SEC31A: variants seen among roughly 807,000 people sequenced by gnomAD.
SEC31A encodes SEC31 homolog A, COPII component.
In SEC31A, 70 loss-of-function variants were observed where a neutral mutation model predicts 151.0. That is an observed-to-expected ratio of 0.46 (90% confidence interval 0.38 to 0.57). The LOEUF is 0.57. SEC31A is among the 20% of genes least tolerant of loss of function. SEC31A has a pLI of 0.00. For missense variants in SEC31A, 1,330 were observed against 1,471.2 expected (o/e 0.90, Z 1.57); for synonymous variants, 475 against 505.9 (o/e 0.94, Z 0.82).
upstream of SEC31A, chr4:82,895,329 G>A (rs1720019955): frequency 6.6e-6 from 1 of 152,204 alleles, no homozygotes; most frequent in African/African-American, 2.4e-5. Context: ...AATTAGCTGG[G>A]TGTGGTGGCA....
At chr4:82,830,454 C>T (rs913701900) in intron 22 of SEC31A, among the ~76,000 whole-genome samples, 5 of 151,698 alleles carry the variant, frequency 3.3e-5, no homozygotes, top group Admixed American at 2.0e-4. Context: ...AACGAGACTC[C>T]GTCTCAAAAA....
Position 82,844,450 on chromosome 4 carries a change from A to G in SEC31A, c.2562T>C (p.Ala854=). The G allele has an allele frequency of 6.2e-7, 1 of 1,613,960 alleles. No homozygotes were observed. Among genetic ancestry groups the G allele is most frequent in the African/African-American group, 1.3e-5 (1 of 75,070 alleles). ...GACCTGGAGATGTGGGAAGCTGACC[A>G]GCAGCATTTGGATTAACATTTCCAT... ...IMHGNVNPNA[A]GQLPTSPGHM... is the part of the protein sequence containing the mutation. Residue 854 remains alanine (A), a synonymous_variant, in exon 21 of 27, where the codon GCT becomes GCC. Coordinates refer to ENST00000395310, the MANE Select transcript of SEC31A (RefSeq NM_001077207.4).
chr4:82,869,654 T>C (rs759188191), intron 8 of SEC31A, among the ~76,000 whole-genome samples: 3 of 152,118 alleles, frequency 2.0e-5, no homozygotes, highest in African/African-American at 7.2e-5. Flanking sequence ...GTAAAATTTA[T>C]TAATTTTTTT....
At chr4:82,881,996 G>A in intron 1 of SEC31A, 56 bp from the exon 2 acceptor site, 2 of 1,283,356 alleles carry the variant, frequency 1.6e-6, no homozygotes, top group East Asian at 4.6e-5. Flanking sequence ...GTCTAACACA[G>A]AACACAGATA....
At chr4:82,838,583 C>G (rs1395714032) in intron 22 of SEC31A, among the ~76,000 whole-genome samples, 1 of 152,200 alleles carries the variant, frequency 6.6e-6, no homozygotes, top group Non-Finnish European at 1.5e-5. Flanking sequence ...CTCAGCAGTT[C>G]AAAATCCTTC....
Position 82,819,099 on chromosome 4 carries a change from G to A in SEC31A, c.3638C>T (p.Thr1213Ile), listed in dbSNP as rs1722781461. The A allele has an allele frequency of 1.6e-5, 26 of 1,610,152 alleles. No individual in the cohort carries two copies. Among genetic ancestry groups the A allele is most frequent in the Non-Finnish European group, 2.2e-5 (26 of 1,178,390 alleles). ...TTAGACACCCAGCTTATTGGCCTGG[G>A]TGAGAACAACTTTGAGAACTGGCAT... ...AFMPVLKVVL[T>I]QANKLGV The change falls in exon 27 of 27, where the codon ACC becomes ATC. Residue 1213 changes from threonine to isoleucine, a missense_variant. Thr to Ile is a moderately conservative substitution (Grantham distance 89). Coordinates refer to ENST00000395310, the MANE Select transcript of SEC31A (RefSeq NM_001077207.4).
intron 3 of SEC31A, among the ~76,000 whole-genome samples, chr4:82,879,165 T>C (rs2125805803): frequency 6.6e-6 from 1 of 152,322 alleles, no homozygotes; most frequent in South Asian, 2.1e-4. Flanking sequence ...TGTAAGGTAG[T>C]GTAACAAAAT....
At chr4:82,842,663 C>A in intron 21 of SEC31A, 182 bp from the exon 22 acceptor site, 1 of 546,350 alleles carries the variant, frequency 1.8e-6, no homozygotes, top group South Asian at 2.6e-5. Flanking sequence ...CACTTGAATT[C>A]AATAGCTTCA....
At chr4:82,862,952 T>C (rs1734513656) in intron 12 of SEC31A, among the ~76,000 whole-genome samples, 1 of 152,244 alleles carries the variant, frequency 6.6e-6, no homozygotes, top group Non-Finnish European at 1.5e-5. Context: ...GGTTGTGATG[T>C]GATCTTAGTT....
chr4:82,890,989 G>A, intron 1 of SEC31A, 99 bp downstream of exon 1: 1 of 1,511,436 alleles, frequency 6.6e-7, no homozygotes, highest in South Asian at 1.2e-5. Flanking sequence ...GGCTGGTGCG[G>A]GGCAGCGGAG....
chr4:82,880,820 G>A lies in SEC31A; in HGVS notation c.182C>T (p.Ala61Val), dbSNP rs989732916. ...ATACCTGTGAGAAGAGGAGAATGTG[G>A]CACAAGATTTCATATCCAAGGATGG... Reference protein sequence around the residue: ...SDPSLDMKSCATFSSSHRYHK... With the variant: ...SDPSLDMKSCVTFSSSHRYHK... Residue 61 changes from alanine (A) to valine (V), a missense_variant, in exon 3 of 27, where the codon GCC becomes GTC. Ala to Val is a moderately conservative substitution (Grantham distance 64). Coordinates refer to ENST00000395310, the MANE Select transcript of SEC31A (RefSeq NM_001077207.4). 10 of 1,612,298 alleles carry A rather than the reference G, an allele frequency of 6.2e-6. No homozygotes were observed. Among genetic ancestry groups the A allele is most frequent in the Non-Finnish European group, 7.6e-6 (9 of 1,178,970 alleles).
rs1366418148 is a variant in SEC31A at position 82,888,365 on chromosome 4, A to C, written c.-5+2723T>G. ...GACTCCGTCTCAAAAAAAAAAAAAA[A>C]AAAAAAAACACACAAAAAACATATA... On this transcript the variant is annotated intron_variant, in intron 1 of 26. Transcript: ENST00000395310. Among the ~76,000 whole-genome samples the C allele has an allele frequency of 1.3e-3, 9 of 6,846 alleles. 1 individual carries two copies. The highest frequency in any genetic ancestry group is 3.6e-3 in the African/African-American group (5 of 1,396). 4.5% of individuals were successfully genotyped at this position (6,846 alleles called of 152,430 possible). A position where few individuals can be genotyped will look rare whatever the true frequency, so the allele number is the denominator to read the frequency against.
chr4:82,820,050 C>T (rs1223758645), intron 26 of SEC31A, among the ~76,000 whole-genome samples: 1 of 152,112 alleles, frequency 6.6e-6, no homozygotes, highest in Non-Finnish European at 1.5e-5. Flanking sequence ...GCGTGAGCCA[C>T]CATGCCTGGC....
At chr4:82,846,050 C>T (rs2149287854) in intron 20 of SEC31A, among the ~76,000 whole-genome samples, 1 of 152,174 alleles carries the variant, frequency 6.6e-6, no homozygotes, top group Admixed American at 6.5e-5. Flanking sequence ...TGTCGCTAGG[C>T]TGAAGTGCAG....
chr4:82,875,886 G>T, intron 4 of SEC31A, 64 bp from the exon 5 acceptor site: 1 of 864,346 alleles, frequency 1.2e-6, no homozygotes, highest in Non-Finnish European at 1.8e-6. Flanking sequence ...GAATAACTCA[G>T]TTCAGAGCTA....
In SEC31A at chr4:82,871,277, T is replaced by C. The variant is rs1342721541; in HGVS notation, c.782+667A>G. 10 of 1,378,514 alleles carry C rather than the reference T, an allele frequency of 7.3e-6. No individual in the cohort carries two copies. The South Asian group carries it at 1.1e-4, about 15-fold the overall frequency. 85.4% of individuals were successfully genotyped at this position (1,378,514 alleles called of 1,614,324 possible). On this transcript the variant is annotated intron_variant, in intron 7 of 26. Transcript: ENST00000395310. ...CTAACTATATGCACAAATTATCCTA[T>C]TTGTATAAAAATTATATTGGGATTA...
chr4:82,886,690 C>T (rs1488948769), intron 1 of SEC31A, among the ~76,000 whole-genome samples: 1 of 152,202 alleles, frequency 6.6e-6, no homozygotes, highest in Non-Finnish European at 1.5e-5. Flanking sequence ...TCCATGAAAA[C>T]TGCCCTGATG....
rs200819145 is a variant in SEC31A at position 82,864,346 on chromosome 4, T to G, written c.1434+16A>C. 1.9e-5 allele frequency: 30 copies of G among 1,559,482 alleles called. No individual in the cohort carries two copies. The highest frequency in any genetic ancestry group is 2.6e-5 in the Non-Finnish European group (29 of 1,130,812). ...TGCAGATAATGAAATAATATAGCTT[T>G]AAACAGCAACTTTACCTTCAAAAAG... On this transcript the variant is annotated intron_variant, in intron 11 of 26. Coordinates refer to ENST00000395310, the MANE Select transcript of SEC31A (RefSeq NM_001077207.4).
At chr4:82,827,326 A>T (rs778941850) in intron 24 of SEC31A, 43 bp downstream of exon 24, 2 of 1,582,790 alleles carry the variant, frequency 1.3e-6, no homozygotes, top group Admixed American at 1.8e-5. Flanking sequence ...ATATACTGAA[A>T]CACAGCCATC....
Sources: gnomAD v4.1 joint callset for allele counts (sites outside exome capture counted in the v4.1 genomes callset) on GRCh38, gnomAD v4.1.1 for gene constraint, MANE v1.5 for transcripts, NCBI Gene and HGNC (gene_info 2026-07-23, HGNC 2026-07-21) for gene names.